Variants in CDH13 observed in about 807,000 individuals in gnomAD.
CDH13 encodes the protein cadherin 13.
A neutral mutation model predicts 63.8 loss-of-function variants in CDH13; 24 were observed. The ratio of observed to expected loss-of-function variants is 0.38; its 90% confidence interval spans 0.27 to 0.53. CDH13 has a LOEUF of 0.53. CDH13 is among the 20% of genes least tolerant of loss of function. CDH13 has a pLI of 0.85. For synonymous variants in CDH13, 503 were observed against 355.3 expected (o/e 1.42, Z -4.67); for missense variants, 1,049 against 903.1 (o/e 1.16, Z -2.07).
intron 6 of CDH13, among the ~76,000 whole-genome samples, chr16:83,360,479 T>G (rs1161950800): frequency 1.3e-5 from 2 of 152,128 alleles, no homozygotes; most frequent in Non-Finnish European, 2.9e-5. Context: ...ACCTTTTTTT[T>G]TTTGGATTTG....
chr16:83,573,978 G>T (rs1904876968), intron 7 of CDH13, among the ~76,000 whole-genome samples: 1 of 152,136 alleles, frequency 6.6e-6, no homozygotes, highest in African/African-American at 2.4e-5. Flanking sequence ...ATTTAAAGAG[G>T]AGATGAGGAT....
At chr16:83,171,398 G>T in intron 4 of CDH13, 3 of 802,890 alleles carry the variant, frequency 3.7e-6, no homozygotes, top group South Asian at 3.1e-5. Context: ...CCTCCAACAT[G>T]GGGGATTACA....
intron 6 of CDH13, among the ~76,000 whole-genome samples, chr16:83,368,884 T>TTTTA (rs1491400736): frequency 2.9e-4 from 14 of 47,652 alleles, no homozygotes; most frequent in Non-Finnish European, 5.2e-4. Flanking sequence ...GTATTCCATG[T>TTTTA]TATATATATA....
chr16:83,088,373 G>A (rs1320913409), intron 3 of CDH13, among the ~76,000 whole-genome samples: 1 of 152,202 alleles, frequency 6.6e-6, no homozygotes, highest in Admixed American at 6.5e-5. Context: ...GCAAGTTGTT[G>A]ACATTCTTTG....
At chr16:83,573,565 G>A (rs1356913048) in intron 7 of CDH13, among the ~76,000 whole-genome samples, 1 of 152,206 alleles carries the variant, frequency 6.6e-6, no homozygotes, top group South Asian at 2.1e-4. Flanking sequence ...TATAACCTTG[G>A]GATCCTACTT....
chr16:82,680,909 A>G (rs1914472051), intron 1 of CDH13, among the ~76,000 whole-genome samples: 2 of 152,158 alleles, frequency 1.3e-5, no homozygotes, highest in Non-Finnish European at 2.9e-5. Flanking sequence ...CCTTAAACTC[A>G]CTTGCTCAGT....
intron 2 of CDH13, among the ~76,000 whole-genome samples, chr16:83,030,134 C>A (rs190324633): frequency 1.3e-5 from 2 of 152,158 alleles, no homozygotes; most frequent in African/African-American, 4.8e-5. Flanking sequence ...CCCATCTTCC[C>A]TATTCCTTCC....
chr16:83,222,198 C>T (rs947630839), intron 5 of CDH13, among the ~76,000 whole-genome samples: 6 of 152,186 alleles, frequency 3.9e-5, no homozygotes, highest in Non-Finnish European at 8.8e-5. Context: ...AGTATTTGCT[C>T]ACATTTCATA....
chr16:83,015,677 G>GTGTATATA (rs1280924836), intron 2 of CDH13, among the ~76,000 whole-genome samples: 52 of 37,566 alleles, frequency 1.4e-3, no homozygotes, highest in African/African-American at 3.9e-3. Context: ...GTGTGTGTAT[G>GTGTATATA]TATATATATA....
intron 1 of CDH13, among the ~76,000 whole-genome samples, chr16:82,667,483 C>T (rs1321224688): frequency 6.6e-6 from 1 of 152,208 alleles, no homozygotes; most frequent in Non-Finnish European, 1.5e-5. Flanking sequence ...CATATGTTGG[C>T]TCAAGGGGCG....
chr16:83,322,094 A>C (rs527933926), intron 5 of CDH13, among the ~76,000 whole-genome samples: 1 of 152,262 alleles, frequency 6.6e-6, no homozygotes, highest in African/African-American at 2.4e-5. Context: ...CTTAAGGAAA[A>C]CAAGGGGCTG....
chr16:83,412,259 C>A (rs986846418), intron 6 of CDH13, among the ~76,000 whole-genome samples: 3 of 152,226 alleles, frequency 2.0e-5, no homozygotes, highest in African/African-American at 7.2e-5. Flanking sequence ...GTCAGGAGTT[C>A]GAGACCAGCT....
intron 7 of CDH13, among the ~76,000 whole-genome samples, chr16:83,590,038 C>G (rs1237485178): frequency 6.6e-6 from 1 of 152,126 alleles, no homozygotes; most frequent in Non-Finnish European, 1.5e-5. Context: ...GTATGAATTA[C>G]AAATAGCTCA....
At chr16:82,974,314 T>C (rs369435440) in intron 2 of CDH13, among the ~76,000 whole-genome samples, 5 of 152,208 alleles carry the variant, frequency 3.3e-5, no homozygotes, top group East Asian at 3.8e-4. Context: ...TGTGTGTCCT[T>C]GCATCTTCCA....
At chr16:82,780,341 C>T (rs2035695035) in intron 1 of CDH13, among the ~76,000 whole-genome samples, 1 of 152,134 alleles carries the variant, frequency 6.6e-6, no homozygotes, top group Admixed American at 6.5e-5. Flanking sequence ...CTCTCCCTTG[C>T]TCTCTGATAA....
At chr16:82,884,413 T>G (rs1382115383) in intron 2 of CDH13, 7 of 326,320 alleles carry the variant, frequency 2.1e-5, no homozygotes, top group African/African-American at 1.5e-4. Flanking sequence ...TGTTGTCTGT[T>G]GCAGTAGACA....
chr16:82,901,239 G>C (rs1182143921), intron 2 of CDH13, among the ~76,000 whole-genome samples: 3 of 151,928 alleles, frequency 2.0e-5, no homozygotes, highest in Non-Finnish European at 4.4e-5. Context: ...AGCAATATGA[G>C]GCCCACAAAT....
intron 1 of CDH13, among the ~76,000 whole-genome samples, chr16:82,792,148 C>A (rs1377101247): frequency 6.6e-6 from 1 of 152,088 alleles, no homozygotes; most frequent in Non-Finnish European, 1.5e-5. Context: ...CTGAGCCATC[C>A]CCGGTTCCTT....
At chr16:82,820,146 G>A (rs1314272627) in intron 1 of CDH13, among the ~76,000 whole-genome samples, 1 of 152,144 alleles carries the variant, frequency 6.6e-6, no homozygotes, top group East Asian at 1.9e-4. Context: ...ATGTGGGGAA[G>A]TGGGAATGAT....
Sources: allele counts gnomAD v4.1 joint callset (sites outside exome capture counted in the v4.1 genomes callset), GRCh38; gene constraint gnomAD v4.1.1; transcripts MANE v1.5; gene names NCBI Gene and HGNC (gene_info 2026-07-23, HGNC 2026-07-21).